FAM193A: variants seen among roughly 807,000 people sequenced by gnomAD.
The protein encoded by FAM193A is family with sequence similarity 193 member A.
Under a neutral mutation model 126.5 loss-of-function variants are expected in FAM193A, and 22 were observed. That is an observed-to-expected ratio of 0.17 (90% CI 0.12 to 0.25). FAM193A has a LOEUF of 0.25. Among genes scored for constraint, FAM193A ranks in the 10% least tolerant of loss-of-function variants. The pLI, the probability that FAM193A is intolerant of heterozygous loss-of-function variation, is 1.00. For missense variants in FAM193A, 1,675 were observed against 1,672.8 expected, an observed-to-expected ratio of 1.00 and a Z score of -0.02; for synonymous variants, 761 against 646.8, an observed-to-expected ratio of 1.18 and a Z score of -2.68.
At chr4:2,618,777 A>T (rs61790226) in intron 2 of FAM193A, among the ~76,000 whole-genome samples, 150,278 of 152,150 alleles carry the variant, frequency 0.99, 74,267 homozygotes, top group Middle Eastern at 1. Context: ...GTATTTTTAG[A>T]AGGGACAAGG....
chr4:2,580,901 G>A (rs570702098), intron 1 of FAM193A, among the ~76,000 whole-genome samples: 81 of 152,238 alleles, frequency 5.3e-4, no homozygotes, highest in South Asian at 2.3e-3. Context: ...AGGCCGAGGC[G>A]GGCAGATCAC....
chr4:2,657,710 T>C, intron 7 of FAM193A, 93 bp from the exon 8 acceptor site: 1 of 775,184 alleles, frequency 1.3e-6, no homozygotes, highest in South Asian at 1.7e-5. Context: ...ATATATATCA[T>C]TTTAAGAAAG....
At chr4:2,594,920 C>T (rs551678700) in intron 1 of FAM193A, among the ~76,000 whole-genome samples, 1 of 141,650 alleles carries the variant, frequency 7.1e-6, no homozygotes, top group East Asian at 2.2e-4. Context: ...CCTCCACCTT[C>T]CAGGTTCAAA....
rs182761703 is a variant in FAM193A, at chr4:2,631,312, G to C, written c.1038+143G>C. The C allele has an allele frequency of 1.3e-4, 91 of 699,996 alleles. No individual in the cohort carries two copies. In the Admixed American group the frequency reaches 1.5e-3, roughly 12 times the overall value. The allele number at this position is 699,996 out of a possible 1,614,324, so 43.4% of individuals were successfully genotyped here. A position where few individuals can be genotyped will look rare whatever the true frequency, so the allele number is the denominator to read the frequency against. On this transcript the variant is annotated intron_variant, in intron 5 of 20. Transcript: ENST00000637812. The stretch of plus-strand genomic sequence containing the variant: ...TAGGCCCCTCTTCTCTACGGGAGAG[G>C]ACCTGTTTCCTCTCCTCTTTGTCTT...
chr4:2,604,806 T>G (rs1335859081), intron 2 of FAM193A, among the ~76,000 whole-genome samples: 1 of 141,892 alleles, frequency 7.0e-6, no homozygotes, highest in African/African-American at 2.6e-5. Flanking sequence ...TTTTTTTTTT[T>G]TTTTTTTTGG....
At chr4:2,650,250 A>G (rs2109066300) in intron 7 of FAM193A, among the ~76,000 whole-genome samples, 1 of 152,330 alleles carries the variant, frequency 6.6e-6, no homozygotes, top group Non-Finnish European at 1.5e-5. Flanking sequence ...GTTGTCTTCC[A>G]TGAAATCGGT....
At chr4:2,543,218 G>C (rs932238487) in intron 1 of FAM193A, among the ~76,000 whole-genome samples, 1 of 151,902 alleles carries the variant, frequency 6.6e-6, no homozygotes, top group African/African-American at 2.4e-5. Flanking sequence ...CTCCCAGGTC[G>C]CTGGGGCTAC....
At position 2,537,089 on chromosome 4, in the gene FAM193A, G is replaced by T; in HGVS notation, c.174G>T (p.Leu58=). 1 of 148,136 alleles carries T rather than the reference G, an allele frequency of 6.8e-6. No individual in the cohort carries two copies. The highest frequency in any genetic ancestry group is 1.8e-4 in the South Asian group (1 of 5,504). The allele number at this position is 148,136 out of a possible 1,614,324, so 9.2% of individuals were successfully genotyped here. The change falls in exon 1 of 21, where the codon CTG becomes CTT. Residue 58 remains leucine (L), a synonymous_variant. Coordinates refer to ENST00000637812, the MANE Select transcript of FAM193A (RefSeq NM_001366318.2). Reference sequence around the variant, plus strand: ...CGGCCCCGGGCAGCGCGGCAGGCCTGGTGGGCGGCGCGGCGGCGGCCAACG... The same window carrying T: ...CGGCCCCGGGCAGCGCGGCAGGCCTTGTGGGCGGCGCGGCGGCGGCCAACG... ...GLAAPGSAAG[L]VGGAAAANGP...
At chr4:2,706,051 T>G (rs1334366990) in intron 19 of FAM193A, among the ~76,000 whole-genome samples, 2 of 152,026 alleles carry the variant, frequency 1.3e-5, no homozygotes, top group Non-Finnish European at 1.5e-5. Context: ...ACAGATATTT[T>G]TTTTAAAATA....
intron 2 of FAM193A, among the ~76,000 whole-genome samples, chr4:2,599,415 A>T (rs989044079): frequency 6.6e-6 from 1 of 152,096 alleles, no homozygotes; most frequent in Non-Finnish European, 1.5e-5. Flanking sequence ...GTCTCTGGTC[A>T]GGGCTCTGGT....
intron 1 of FAM193A, among the ~76,000 whole-genome samples, chr4:2,592,379 C>T (rs962772107): frequency 6.6e-5 from 10 of 152,170 alleles, no homozygotes; most frequent in African/African-American, 2.2e-4. Flanking sequence ...TGAGCCACCG[C>T]GCCCAGCCTG....
chr4:2,616,966 C>T (rs1490767632), intron 2 of FAM193A, among the ~76,000 whole-genome samples: 1 of 145,930 alleles, frequency 6.9e-6, no homozygotes, highest in South Asian at 2.1e-4. Flanking sequence ...CTCAGGAGTT[C>T]GAGACCAGCT....
At chr4:2,586,215 C>T (rs553464691) in intron 1 of FAM193A, among the ~76,000 whole-genome samples, 1 of 151,290 alleles carries the variant, frequency 6.6e-6, no homozygotes, top group African/African-American at 2.4e-5. Flanking sequence ...TGCACTCCAG[C>T]CTGGGCAACA....
intron 1 of FAM193A, among the ~76,000 whole-genome samples, chr4:2,543,726 C>T (rs887045547): frequency 1.3e-5 from 2 of 151,764 alleles, no homozygotes; most frequent in South Asian, 2.1e-4. Flanking sequence ...GGCATGGTGA[C>T]GAGCGCCTGT....
At chr4:2,613,835 T>C (rs1045478110) in intron 2 of FAM193A, among the ~76,000 whole-genome samples, 3 of 150,086 alleles carry the variant, frequency 2.0e-5, no homozygotes, top group Non-Finnish European at 4.4e-5. Context: ...GGCACAATCT[T>C]GGCTCACTGC....
Position 2,732,041 on chromosome 4 carries a change from GTGTGCGTGTAGTC to G in FAM193A, c.*182_*194del, listed in dbSNP as rs1296175826. ...GATGCTCGGCCCACGCCGTTAGCTC[GTGTGCGTGTAGTC>G]TGTGCGTGAGACTCCTTCGATTGTA... On this transcript the variant is annotated 3_prime_UTR_variant, in exon 21 of 21. Coordinates refer to ENST00000637812, the MANE Select transcript of FAM193A (RefSeq NM_001366318.2). 2 of 640,854 alleles carry G rather than the reference GTGTGCGTGTAGTC, an allele frequency of 3.1e-6. No homozygotes were observed. Among genetic ancestry groups the G allele is most frequent in the South Asian group, 1.7e-5 (1 of 57,530 alleles). The allele number at this position is 640,854 out of a possible 1,614,324, so 39.7% of individuals were successfully genotyped here.
intron 1 of FAM193A, among the ~76,000 whole-genome samples, chr4:2,590,765 C>T (rs1174028202): frequency 6.6e-6 from 1 of 151,826 alleles, no homozygotes; most frequent in Non-Finnish European, 1.5e-5. Context: ...CAGTGGCTCA[C>T]ACCTGTAATC....
At chr4:2,658,850 A>G (rs1334792064) in intron 8 of FAM193A, among the ~76,000 whole-genome samples, 2 of 152,150 alleles carry the variant, frequency 1.3e-5, no homozygotes, top group Non-Finnish European at 2.9e-5. Flanking sequence ...TCCCGGGTTC[A>G]AGCGGTACTC....
chr4:2,590,537 G>T (rs1168687596), intron 1 of FAM193A, among the ~76,000 whole-genome samples: 1 of 126,108 alleles, frequency 7.9e-6, no homozygotes, highest in African/African-American at 2.8e-5. Flanking sequence ...TTAAAAAACA[G>T]AAAATTGTGA....
Sources: gnomAD v4.1 joint callset for allele counts (sites outside exome capture counted in the v4.1 genomes callset) on GRCh38, gnomAD v4.1.1 for gene constraint, MANE v1.5 for transcripts, NCBI Gene and HGNC (gene_info 2026-07-23, HGNC 2026-07-21) for gene names.